Variants in IGF1R observed in about 807,000 individuals in gnomAD.
The protein encoded by IGF1R is insulin-like growth factor 1 receptor.
A neutral mutation model predicts 144.6 loss-of-function variants in IGF1R; 44 were observed. That is an observed-to-expected ratio of 0.30 (90% confidence interval 0.24 to 0.39). The LOEUF (loss-of-function observed/expected upper bound fraction) is 0.39, where lower values mean the gene tolerates loss of function less well. Among genes scored for constraint, IGF1R ranks in the 10% least tolerant of loss-of-function variants. The pLI is 1.00. For missense variants in IGF1R, 1,355 were observed against 1,833.7 expected (o/e 0.74, Z 4.77); for synonymous variants, 795 against 722.8 (o/e 1.10, Z -1.60).
intron 2 of IGF1R, among the ~76,000 whole-genome samples, chr15:98,853,467 C>T (rs2011627464): frequency 1.3e-5 from 2 of 152,230 alleles, no homozygotes; most frequent in Admixed American, 1.3e-4. Context: ...TGGCAAAATA[C>T]AGCATGTGGC....
chr15:98,702,033 GTTTTTTT>G (rs35793845), intron 1 of IGF1R, among the ~76,000 whole-genome samples: 1 of 108,714 alleles, frequency 9.2e-6, no homozygotes, highest in African/African-American at 3.6e-5. Flanking sequence ...GAGTCACGCT[GTTTTTTT>G]TTTTTTTTTT....
chr15:98,672,592 T>TGAAG (rs2052923832), intron 1 of IGF1R, among the ~76,000 whole-genome samples: 1 of 140,790 alleles, frequency 7.1e-6, no homozygotes, highest in African/African-American at 2.7e-5. Context: ...AAAAAAAAAG[T>TGAAG]GTAGGTTAGC....
intron 2 of IGF1R, among the ~76,000 whole-genome samples, chr15:98,852,509 A>G (rs139209123): frequency 6.6e-6 from 1 of 152,330 alleles, no homozygotes; most frequent in East Asian, 1.9e-4. Flanking sequence ...CTGTCAGTCA[A>G]GTGGGCATCC....
intron 2 of IGF1R, among the ~76,000 whole-genome samples, chr15:98,830,589 A>T (rs1257720691): frequency 6.6e-6 from 1 of 150,588 alleles, no homozygotes; most frequent in Non-Finnish European, 1.5e-5. Flanking sequence ...GCATGGTTCC[A>T]ACATCTGATC....
rs2016119409 is a variant in IGF1R at position 98,935,773 on chromosome 15, A to G, written c.3297+347A>G. Among the ~76,000 whole-genome samples the G allele has an allele frequency of 6.7e-6, 1 of 149,990 alleles. No homozygotes were observed. The highest frequency in any genetic ancestry group is 1.5e-5 in the Non-Finnish European group (1 of 67,578). On this transcript the variant is annotated intron_variant, in intron 17 of 20. Coordinates refer to ENST00000650285, the MANE Select transcript of IGF1R (RefSeq NM_000875.5). This position sits in a 1 kb window ranked among gnomAD's most constrained non-coding sequence, Gnocchi z 4.2. ...CCCCGAAGCTTTCCTGCCCCACTCC[A>G]GTAGCTATCTTCTCTGCTAACTTCT...
At chr15:98,715,604 T>G (rs1395017896) in intron 2 of IGF1R, among the ~76,000 whole-genome samples, 2 of 152,146 alleles carry the variant, frequency 1.3e-5, no homozygotes, top group African/African-American at 2.4e-5. Context: ...ACGTGGAGCG[T>G]GTGGGCCCGT....
chr15:98,887,054 A>G (rs535735710), intron 2 of IGF1R, among the ~76,000 whole-genome samples: 12 of 152,190 alleles, frequency 7.9e-5, no homozygotes, highest in African/African-American at 2.7e-4. Context: ...GCATCATTTA[A>G]CACGAAGGAA....
chr15:98,938,092 A>G (rs1224819276), intron 17 of IGF1R, among the ~76,000 whole-genome samples: 1 of 152,266 alleles, frequency 6.6e-6, no homozygotes, highest in Non-Finnish European at 1.5e-5. Context: ...AGCTTTCAGT[A>G]GAAACTAGCA....
chr15:98,738,466 T>G (rs946278878), intron 2 of IGF1R, among the ~76,000 whole-genome samples: 1 of 151,602 alleles, frequency 6.6e-6, no homozygotes, highest in Non-Finnish European at 1.5e-5. Flanking sequence ...AGCCCAGGAG[T>G]TCGAGGCTAA....
At chr15:98,886,016 C>G (rs2013623735) in intron 2 of IGF1R, among the ~76,000 whole-genome samples, 1 of 152,062 alleles carries the variant, frequency 6.6e-6, no homozygotes, top group Non-Finnish European at 1.5e-5. Flanking sequence ...TGGGGTTTCG[C>G]CATGTTGGGC....
chr15:98,852,402 C>G (rs1596359926), intron 2 of IGF1R, among the ~76,000 whole-genome samples: 2 of 152,338 alleles, frequency 1.3e-5, no homozygotes, highest in South Asian at 4.1e-4. Context: ...CTCCGAATAA[C>G]ACGCCAATCA....
intron 10 of IGF1R, among the ~76,000 whole-genome samples, chr15:98,919,889 G>C (rs190738261): frequency 6.6e-6 from 1 of 152,164 alleles, no homozygotes; most frequent in Admixed American, 6.5e-5. Flanking sequence ...ATTTCTTTCA[G>C]TTCATTCTGA....
rs1457335012 is a variant in IGF1R, at chr15:98,959,203, A to T, written c.*1761A>T. On this transcript the variant is annotated 3_prime_UTR_variant, in exon 21 of 21. Transcript: ENST00000650285. ...CTTAGGTTGTGACACACATATATAT[A>T]TATTTTTTTAATTCTTGGGTACAAC... 4.3e-6 allele frequency: 1 copy of T among 233,390 alleles called. No homozygotes were observed. The highest frequency in any genetic ancestry group is 8.5e-6 in the Non-Finnish European group (1 of 117,984). 14.5% of individuals were successfully genotyped at this position (233,390 alleles called of 1,614,324 possible).
intron 2 of IGF1R, among the ~76,000 whole-genome samples, chr15:98,757,791 T>C (rs970991000): frequency 6.6e-6 from 1 of 152,230 alleles, no homozygotes; most frequent in African/African-American, 2.4e-5. Context: ...TGTCTTTCTT[T>C]ACTGTGATAA....
At chr15:98,816,687 G>A (rs2056702389) in intron 2 of IGF1R, among the ~76,000 whole-genome samples, 1 of 152,218 alleles carries the variant, frequency 6.6e-6, no homozygotes, top group African/African-American at 2.4e-5. Context: ...TCCCTGGAGT[G>A]TAAGAATATG....
intron 2 of IGF1R, among the ~76,000 whole-genome samples, chr15:98,769,180 C>T (rs1051934174): frequency 6.6e-6 from 1 of 152,136 alleles, no homozygotes; most frequent in Non-Finnish European, 1.5e-5. Context: ...GATTCTTGAT[C>T]TTCTTTGTAA....
At chr15:98,839,027 T>C (rs2011132000) in intron 2 of IGF1R, among the ~76,000 whole-genome samples, 1 of 152,048 alleles carries the variant, frequency 6.6e-6, no homozygotes, top group Non-Finnish European at 1.5e-5. Context: ...GGCCACTGGG[T>C]TTCACAAACA....
rs1025844699 is a variant in IGF1R at position 98,960,700 on chromosome 15, G to A, written c.*3258G>A. Reference sequence around the variant, plus strand: ...AGCTGCAGCAGCAGCTGGAGAGCAAGAGTCACCCAGCCTGTGCGCCAGAAT... The same window carrying A: ...AGCTGCAGCAGCAGCTGGAGAGCAAAAGTCACCCAGCCTGTGCGCCAGAAT... On this transcript the variant is annotated 3_prime_UTR_variant, in exon 21 of 21. Transcript: ENST00000650285. 3 of 233,334 alleles carry A rather than the reference G, an allele frequency of 1.3e-5. No individual in the cohort carries two copies. The highest frequency in any genetic ancestry group is 1.7e-5 in the Non-Finnish European group (2 of 118,158). 14.5% of individuals were successfully genotyped at this position (233,334 alleles called of 1,614,324 possible). A position where few individuals can be genotyped will look rare whatever the true frequency, so the allele number is the denominator to read the frequency against.
At chr15:98,943,112 G>C (rs2016427132) in intron 19 of IGF1R, 60 bp downstream of exon 19, 2 of 1,589,666 alleles carry the variant, frequency 1.3e-6, no homozygotes, top group East Asian at 4.5e-5. Context: ...CTTTCCACCA[G>C]CTCAGTCTCT....
Sources: allele counts gnomAD v4.1 joint callset (sites outside exome capture counted in the v4.1 genomes callset), GRCh38; gene constraint gnomAD v4.1.1; non-coding constraint Gnocchi (gnomAD v3.1); transcripts MANE v1.5; gene names NCBI Gene and HGNC (gene_info 2026-07-23, HGNC 2026-07-21).